The following TNNT2 variants were observed in gnomAD, a reference collection of about 807,000 sequenced individuals.
The protein encoded by TNNT2 is troponin T, cardiac muscle.
A neutral mutation model predicts 62.4 loss-of-function variants in TNNT2; 34 were observed. The observed-to-expected ratio is 0.54, with a 90% CI of 0.41 to 0.72. The LOEUF is 0.72. TNNT2 is among the 30% of genes least tolerant of loss of function. The pLI is 0.00. For synonymous variants in TNNT2, 123 were observed against 127.2 expected, an observed-to-expected ratio of 0.97 and a Z score of 0.22; for missense variants, 275 against 381.9, an observed-to-expected ratio of 0.72 and a Z score of 2.33.
chr1:201,365,769 C>G (rs1659555327), intron 8 of TNNT2, 99 bp from the exon 9 acceptor site: 1 of 1,560,760 alleles, frequency 6.4e-7, no homozygotes, highest in Admixed American at 1.9e-5. Context: ...AGAGAATCTT[C>G]CAGCACTGCC....
chr1:201,363,595 A>G, intron 11 of TNNT2, 189 bp from the exon 12 acceptor site: 1 of 601,118 alleles, frequency 1.7e-6, no homozygotes, highest in Non-Finnish European at 3.0e-6. Flanking sequence ...TGACTGCGTG[A>G]TTGAATGAGG....
In TNNT2 at chr1:201,372,031, A is replaced by C. The variant is rs397516477; in HGVS notation, c.63T>G (p.Val21=). ...YEEEEQEEAA[V]EEEEDWREDE... is the part of the protein sequence containing the mutation. ...CCACCTGCCTGAGGCACATACCTTC[A>C]ACAGCTGCTTCTGCTCAGAAGAGAA... The change falls in exon 4 of 17, where the codon GTT becomes GTG. Residue 21 remains valine (V), a synonymous_variant. Transcript: ENST00000656932. The C allele has an allele frequency of 5.8e-5, 93 of 1,597,574 alleles. No homozygotes were observed. The East Asian group carries it at 1.8e-3, about 31-fold the overall frequency.
intron 4 of TNNT2, among the ~76,000 whole-genome samples, chr1:201,370,832 T>C (rs1356764102): frequency 6.6e-6 from 1 of 152,170 alleles, no homozygotes; most frequent in Admixed American, 6.5e-5. Flanking sequence ...AAGTGGAAAA[T>C]CCTCCAAAAC....
intron 4 of TNNT2, among the ~76,000 whole-genome samples, chr1:201,371,190 A>G (rs1660558928): frequency 6.6e-6 from 1 of 152,162 alleles, no homozygotes; most frequent in Admixed American, 6.5e-5. Context: ...TACCTGAGCC[A>G]CTAAAAGGCA....
At chr1:201,371,532 T>A (rs1660603240) in intron 4 of TNNT2, among the ~76,000 whole-genome samples, 1 of 152,184 alleles carries the variant, frequency 6.6e-6, no homozygotes, top group African/African-American at 2.4e-5. Flanking sequence ...GTAGTGCTTA[T>A]CTCTTAGAGA....
chr1:201,364,447 A>G lies in TNNT2; in HGVS notation c.412-72T>C, dbSNP rs945654434. On this transcript the variant is annotated intron_variant, in intron 10 of 16. Coordinates refer to ENST00000656932, the MANE Select transcript of TNNT2 (RefSeq NM_001276345.2). ...TGACATCGCAGGTACAGAAACCTGCATGGGGTGGCAAGGGAATTCCTGGGG... is the reference window on the plus strand; with the variant it reads ...TGACATCGCAGGTACAGAAACCTGCGTGGGGTGGCAAGGGAATTCCTGGGG... 10 of 1,478,960 alleles carry G rather than the reference A, an allele frequency of 6.8e-6. No homozygotes were observed. The African/African-American group carries it at 1.2e-4, about 18-fold the overall frequency. The allele number at this position is 1,478,960 out of a possible 1,614,324, so 91.6% of individuals were successfully genotyped here. A position where few individuals can be genotyped will look rare whatever the true frequency, so the allele number is the denominator to read the frequency against.
chr1:201,361,425 C>T, intron 14 of TNNT2, 56 bp from the exon 15 acceptor site: 1 of 1,496,752 alleles, frequency 6.7e-7, no homozygotes, highest in Non-Finnish European at 9.3e-7. Flanking sequence ...CCTCCTGGGC[C>T]TCCGTCCTGG....
intron 8 of TNNT2, 106 bp downstream of exon 8, chr1:201,366,732 C>A (rs1212778124): frequency 6.2e-5 from 99 of 1,607,518 alleles, no homozygotes; most frequent in Non-Finnish European, 7.8e-5. Flanking sequence ...CTGTGCCCAC[C>A]AAACCCCCAG....
chr1:201,361,504 A>C (rs1212980204), intron 14 of TNNT2, 135 bp from the exon 15 acceptor site: 9 of 869,998 alleles, frequency 1.0e-5, no homozygotes, highest in Non-Finnish European at 1.5e-5. Flanking sequence ...ACCCCAGCCC[A>C]CCCCCTGGGC....
intron 8 of TNNT2, 144 bp downstream of exon 8, chr1:201,366,694 A>G: frequency 6.3e-7 from 1 of 1,582,506 alleles, no homozygotes; most frequent in Non-Finnish European, 8.6e-7. Flanking sequence ...TGTGCAGTAC[A>G]CAACTTGTAC....
intron 11 of TNNT2, chr1:201,363,838 G>A: frequency 6.7e-6 from 2 of 299,584 alleles, no homozygotes; most frequent in Non-Finnish European, 1.3e-5. Flanking sequence ...TCAGAGCCAA[G>A]ACAATGCCCA....
chr1:201,359,534 G>T, intron 16 of TNNT2, 89 bp downstream of exon 16: 1 of 1,332,438 alleles, frequency 7.5e-7, no homozygotes, highest in African/African-American at 1.5e-5. Context: ...CTGGGAGCCT[G>T]GGGCCCTCCA....
At chr1:201,363,209 G>A in intron 12 of TNNT2, 87 bp downstream of exon 12, 1 of 1,610,026 alleles carries the variant, frequency 6.2e-7, no homozygotes, top group East Asian at 2.2e-5. Context: ...CCTGGGACCT[G>A]ACCTAAAGTC....
intron 1 of TNNT2, among the ~76,000 whole-genome samples, chr1:201,375,805 C>A (rs1187338036): frequency 6.6e-6 from 1 of 152,226 alleles, no homozygotes; most frequent in Non-Finnish European, 1.5e-5. Flanking sequence ...TTTCTCTCTC[C>A]TCTCCTACTC....
chr1:201,361,103 T>C, intron 15 of TNNT2, 176 bp downstream of exon 15: 1 of 736,862 alleles, frequency 1.4e-6, no homozygotes, highest in Non-Finnish European at 2.5e-6. Context: ...CAGTCGTCAA[T>C]GCGGTGGACA....
intron 2 of TNNT2, among the ~76,000 whole-genome samples, chr1:201,372,432 C>T (rs1458187352): frequency 6.6e-6 from 1 of 152,178 alleles, no homozygotes. Context: ...CTCTTTCCAT[C>T]TTTGCCCAAG....
In TNNT2 at chr1:201,359,661, G is replaced by A. The variant is rs761288511; in HGVS notation, c.813C>T (p.Ile271=). The A allele has an allele frequency of 6.3e-7, 1 of 1,590,242 alleles. No individual in the cohort carries two copies. Among genetic ancestry groups the A allele is most frequent in the South Asian group, 1.1e-5 (1 of 87,664 alleles). The change falls in exon 16 of 17, where the codon ATC becomes ATT. Residue 271 remains isoleucine, a splice_region_variant and synonymous_variant. Transcript: ENST00000656932. ...QEKFKQQKYE[I]NVLRNRINDN... ...CGTTGATCCTGTTTCGGAGAACATT[G>A]ATCTGCAAGAAAAGTGGGAAGGACA...
intron 11 of TNNT2, chr1:201,364,085 C>T (rs1039706465): frequency 1.2e-5 from 7 of 564,164 alleles, no homozygotes; most frequent in South Asian, 4.0e-5. Context: ...AGGGTTTCTC[C>T]GTTGGTCAGG....
At chr1:201,376,047 C>A (rs1661355382) in intron 1 of TNNT2, among the ~76,000 whole-genome samples, 1 of 152,178 alleles carries the variant, frequency 6.6e-6, no homozygotes, top group African/African-American at 2.4e-5. Context: ...CTGGGGGCTG[C>A]AGAATGGGAG....
Sources: allele counts gnomAD v4.1 joint callset (sites outside exome capture counted in the v4.1 genomes callset), GRCh38; gene constraint gnomAD v4.1.1; transcripts MANE v1.5; gene names NCBI Gene and HGNC (gene_info 2026-07-23, HGNC 2026-07-21).